The following CUBN variants were observed in gnomAD, a reference collection of about 807,000 sequenced individuals.
CUBN encodes the protein cubilin, also known as 460 kDa receptor.
In CUBN, 282 loss-of-function variants were observed where a neutral mutation model predicts 405.3. That is an observed-to-expected ratio of 0.70 (90% CI 0.63 to 0.77). The LOEUF (loss-of-function observed/expected upper bound fraction) is 0.77, where lower values mean the gene tolerates loss of function less well. CUBN is among the 30% of genes least tolerant of loss of function. The pLI is 0.00. For synonymous variants in CUBN, 1,684 were observed against 1,617.0 expected, an observed-to-expected ratio of 1.04 and a Z score of -0.99; for missense variants, 4,514 against 4,475.2, an observed-to-expected ratio of 1.01 and a Z score of -0.25.
intron 22 of CUBN, among the ~76,000 whole-genome samples, chr10:17,064,673 C>T (rs998460799): frequency 5.3e-5 from 8 of 152,110 alleles, no homozygotes; most frequent in East Asian, 3.9e-4. Flanking sequence ...ATGAGCCTAA[C>T]GAAATATGAC....
chr10:16,997,260 C>A (rs539113682), intron 28 of CUBN, among the ~76,000 whole-genome samples: 6 of 152,004 alleles, frequency 3.9e-5, no homozygotes, highest in African/African-American at 1.2e-4. Context: ...ATGGTGAAAC[C>A]CTGTCTCTAT....
chr10:17,080,164 C>T (rs1055131393), intron 17 of CUBN, among the ~76,000 whole-genome samples: 1 of 152,092 alleles, frequency 6.6e-6, no homozygotes, highest in Admixed American at 6.6e-5. Context: ...TCTATGTAGT[C>T]TTTCATTTTT....
chr10:17,075,320 G>T (rs1835835614), intron 17 of CUBN, among the ~76,000 whole-genome samples: 2 of 152,026 alleles, frequency 1.3e-5, no homozygotes, highest in South Asian at 2.1e-4. Context: ...TTGACCTGAG[G>T]TGATCTGCCT....
chr10:17,065,303 A>T (rs963686188), intron 22 of CUBN, among the ~76,000 whole-genome samples: 4 of 152,142 alleles, frequency 2.6e-5, no homozygotes, highest in Admixed American at 2.0e-4. Context: ...AATTACCAAC[A>T]TTAGAAGATT....
At chr10:17,025,350 A>G (rs1834630661) in intron 27 of CUBN, among the ~76,000 whole-genome samples, 1 of 152,176 alleles carries the variant, frequency 6.6e-6, no homozygotes, top group Non-Finnish European at 1.5e-5. Flanking sequence ...TACTTGACTA[A>G]TGTCAATGTG....
intron 28 of CUBN, among the ~76,000 whole-genome samples, chr10:17,000,635 T>A (rs1369835536): frequency 6.6e-6 from 1 of 152,226 alleles, no homozygotes; most frequent in Non-Finnish European, 1.5e-5. Context: ...TTTGACCTTT[T>A]TTTGCAATGA....
rs141319759 is a variant in CUBN at position 16,928,283 on chromosome 10, G to C, written c.6145C>G (p.Gln2049Glu). 5.7e-5 allele frequency: 92 copies of C among 1,613,758 alleles called. No individual in the cohort carries two copies. In the African/African-American group the frequency reaches 1.1e-3, roughly 19 times the overall value. The change falls in exon 41 of 67, where the codon CAG (glutamine) becomes GAG (glutamate). Residue 2049 changes from glutamine (Q) to glutamate (E), a missense_variant. Physicochemically the swap from Gln to Glu is conservative, Grantham distance 29 (BLOSUM62 2). Transcript: ENST00000377833. ...TCTCTGCCACAGAGAACTGCTAGCT[G>C]CTGGGCCAAGTTATTATCTCCTACG... ...IRDGDNNLAQ[Q>E]LAVLCGREIP... is the part of the protein sequence containing the mutation.
chr10:17,121,447 C>CA (rs1588657104), intron 6 of CUBN, among the ~76,000 whole-genome samples: 1 of 148,780 alleles, frequency 6.7e-6, no homozygotes. Flanking sequence ...ATCACAAGGA[C>CA]AAAAAACCAA....
Position 16,939,166 on chromosome 10 carries a change from T to C in CUBN, c.5549-19A>G. 6.3e-7 allele frequency: 1 copy of C among 1,599,932 alleles called. No homozygotes were observed. The highest frequency in any genetic ancestry group is 8.6e-7 in the Non-Finnish European group (1 of 1,167,254). ...CCAAATACTAGGAGGGAAGACAGAG[T>C]AGTAAATCAGACCCACTTAGAATTG... On this transcript the variant is annotated intron_variant, in intron 37 of 66. Coordinates refer to ENST00000377833, the MANE Select transcript of CUBN (RefSeq NM_001081.4).
At chr10:17,102,986 G>A (rs1836532418) in intron 13 of CUBN, 139 bp downstream of exon 13, 1 of 673,824 alleles carries the variant, frequency 1.5e-6, no homozygotes, top group African/African-American at 1.8e-5. Context: ...CCAAAATAAT[G>A]GCACTCCGTA....
intron 6 of CUBN, among the ~76,000 whole-genome samples, chr10:17,118,942 T>C (rs1003965722): frequency 1.3e-5 from 2 of 152,228 alleles, no homozygotes; most frequent in African/African-American, 2.4e-5. Context: ...CTATGACCTT[T>C]TATTGCCAAC....
intron 32 of CUBN, among the ~76,000 whole-genome samples, chr10:16,953,695 A>G (rs1411649779): frequency 6.6e-6 from 1 of 152,104 alleles, no homozygotes; most frequent in Non-Finnish European, 1.5e-5. Context: ...TCTCTAAAAA[A>G]GAAAAAAAAT....
chr10:17,111,024 C>T lies in CUBN; in HGVS notation c.910G>A (p.Glu304Lys), dbSNP rs78201384. The change falls in exon 9 of 67, where the codon GAA (glutamate) becomes AAA (lysine). Residue 304 changes from glutamate (E) to lysine (K), a missense_variant. By Grantham distance (56) the Glu-to-Lys change is moderately conservative. Around this residue, in one of 5 missense-constraint regions of CUBN, gnomAD observed 1,448 missense variants for 1,388.0 expected, o/e 1.04. Transcript: ENST00000377833. ...TGWQGNGYIC[E>K]DINECEINNG... The stretch of plus-strand genomic sequence containing the variant: ...TTTATCTCACATTCATTGATATCTT[C>T]GCAAATATATCCATTGCCTTGCCAG... 2,692 of 1,614,034 alleles carry T rather than the reference C, an allele frequency of 1.7e-3. 36 individuals are homozygous for T. The East Asian group carries it at 0.029, about 17-fold the overall frequency.
chr10:17,107,957 A>G (rs1247636509), intron 10 of CUBN, among the ~76,000 whole-genome samples: 1 of 152,180 alleles, frequency 6.6e-6, no homozygotes, highest in African/African-American at 2.4e-5. Context: ...AAAATGGAGT[A>G]AGCAAGCTCT....
At chr10:17,128,022 T>G in intron 2 of CUBN, 98 bp from the exon 3 acceptor site, 1 of 820,746 alleles carries the variant, frequency 1.2e-6, no homozygotes, top group South Asian at 1.6e-5. Flanking sequence ...GTATTCTACT[T>G]TAAGCACTAA....
At chr10:16,849,372 T>C (rs1839612065) in intron 60 of CUBN, among the ~76,000 whole-genome samples, 2 of 152,082 alleles carry the variant, frequency 1.3e-5, no homozygotes, top group Non-Finnish European at 2.9e-5. Context: ...CTGAAATCTA[T>C]GCTGACTCCC....
chr10:16,928,320 G>GATTCTTTCAT lies in CUBN; in HGVS notation c.6125-18_6125-17insATGAAAGAAT. 1 of 1,613,064 alleles carries GATTCTTTCAT rather than the reference G, an allele frequency of 6.2e-7. No homozygotes were observed. Among genetic ancestry groups the GATTCTTTCAT allele is most frequent in the East Asian group, 2.2e-5 (1 of 44,846 alleles). Reference sequence around the variant, plus strand: ...TATTATCTCCTACGTTGAAAGAAAGGGAACAACATGAAAATACATCTTGAG... The same window carrying GATTCTTTCAT: ...TATTATCTCCTACGTTGAAAGAAAGGATTCTTTCATGAACAACATGAAAATACATCTTGAG... On this transcript the variant is annotated splice_polypyrimidine_tract_variant and intron_variant, in intron 40 of 66. Coordinates refer to ENST00000377833, the MANE Select transcript of CUBN (RefSeq NM_001081.4).
intron 45 of CUBN, among the ~76,000 whole-genome samples, chr10:16,917,256 G>A (rs1449266809): frequency 1.3e-5 from 2 of 152,130 alleles, no homozygotes; most frequent in Admixed American, 1.3e-4. Flanking sequence ...ATTACTTAAA[G>A]TAATAAACAT....
At chr10:17,125,809 G>C (rs1369409102) in intron 4 of CUBN, among the ~76,000 whole-genome samples, 1 of 152,168 alleles carries the variant, frequency 6.6e-6, no homozygotes, top group East Asian at 1.9e-4. Flanking sequence ...AAACTTGAGT[G>C]CAGTGTCACG....
Sources: gnomAD v4.1 joint callset for allele counts (sites outside exome capture counted in the v4.1 genomes callset) on GRCh38, gnomAD v4.1.1 for gene constraint, gnomAD v4.1.1 regional missense constraint, MANE v1.5 for transcripts, NCBI Gene and HGNC (gene_info 2026-07-23, HGNC 2026-07-21) for gene names.